The following NOS1AP variants were observed in gnomAD, a reference collection of about 807,000 sequenced individuals.
NOS1AP encodes the protein nitric oxide synthase 1 adaptor protein.
A neutral mutation model predicts 56.2 loss-of-function variants in NOS1AP; 21 were observed. That is an observed-to-expected ratio of 0.37 (90% CI 0.26 to 0.54). The LOEUF (loss-of-function observed/expected upper bound fraction) is 0.54, where lower values mean the gene tolerates loss of function less well. Ranked by LOEUF, NOS1AP falls within the 20% of genes least tolerant of loss-of-function variation. The pLI is 0.84. For missense variants in NOS1AP, 522 were observed against 657.8 expected, an observed-to-expected ratio of 0.79 and a Z score of 2.26; for synonymous variants, 270 against 274.6, an observed-to-expected ratio of 0.98 and a Z score of 0.17.
At chr1:162,221,186 A>G (rs930310251) in intron 2 of NOS1AP, among the ~76,000 whole-genome samples, 2 of 152,040 alleles carry the variant, frequency 1.3e-5, no homozygotes, top group African/African-American at 4.8e-5. Flanking sequence ...CGATCCACCC[A>G]CCTTGGCCTC....
chr1:162,334,819 C>T (rs562569615), intron 5 of NOS1AP, among the ~76,000 whole-genome samples: 104 of 152,190 alleles, frequency 6.8e-4, no homozygotes, highest in African/African-American at 1.8e-3. Context: ...CCAATTTTAC[C>T]GATGAATAAA....
In NOS1AP at chr1:162,255,490, A is replaced by ATTTTTTTTTTTTTTTTT. The variant is rs35637289; in HGVS notation, c.178-31835_178-31819dup. On this transcript the variant is annotated intron_variant, in intron 2 of 9. Transcript: ENST00000361897. ...ATGCATAGGTTATTTGCTGCTGCTG[A>ATTTTTTTTTTTTTTTTT]TTTTTTTTTTTTTTTTTTTTTTTTT... Among the ~76,000 whole-genome samples, 37 of 60,988 alleles carry ATTTTTTTTTTTTTTTTT rather than the reference A, an allele frequency of 6.1e-4. 2 individuals carry two copies. Among genetic ancestry groups the ATTTTTTTTTTTTTTTTT allele is most frequent in the Admixed American group, 1.3e-3 (6 of 4,592 alleles). 40.0% of individuals were successfully genotyped at this position (60,988 alleles called of 152,430 possible).
At chr1:162,105,109 G>A (rs1312845893) in intron 1 of NOS1AP, among the ~76,000 whole-genome samples, 2 of 152,132 alleles carry the variant, frequency 1.3e-5, no homozygotes, top group Non-Finnish European at 2.9e-5. Context: ...TTTGTTGGTG[G>A]TGTTGTTTTC....
chr1:162,210,917 C>T (rs938187620), intron 2 of NOS1AP, among the ~76,000 whole-genome samples: 16 of 152,236 alleles, frequency 1.1e-4, no homozygotes, highest in African/African-American at 3.6e-4. Flanking sequence ...TCACGGAGTC[C>T]GCAGCTGCTG....
chr1:162,356,551 G>A (rs1657711399), intron 7 of NOS1AP, among the ~76,000 whole-genome samples: 1 of 152,176 alleles, frequency 6.6e-6, no homozygotes, highest in African/African-American at 2.4e-5. Context: ...CAGCAGAGTA[G>A]AGGATTGAAG....
chr1:162,120,929 G>A (rs1648187060), intron 1 of NOS1AP, among the ~76,000 whole-genome samples: 1 of 152,062 alleles, frequency 6.6e-6, no homozygotes, highest in Admixed American at 6.5e-5. Flanking sequence ...TTGGATATGG[G>A]TTCTGAAAAG....
At chr1:162,255,313 A>T (rs1329468031) in intron 2 of NOS1AP, among the ~76,000 whole-genome samples, 2 of 152,090 alleles carry the variant, frequency 1.3e-5, no homozygotes, top group Admixed American at 6.6e-5. Flanking sequence ...CAGAAGCTGC[A>T]TCTTTGCTGC....
At chr1:162,197,072 G>C (rs1041058145) in intron 2 of NOS1AP, among the ~76,000 whole-genome samples, 2 of 152,174 alleles carry the variant, frequency 1.3e-5, no homozygotes, top group African/African-American at 4.8e-5. Context: ...GCTCTGCATG[G>C]ATATTTTCTG....
intron 1 of NOS1AP, among the ~76,000 whole-genome samples, chr1:162,143,021 A>G (rs1649302420): frequency 6.6e-6 from 1 of 152,112 alleles, no homozygotes; most frequent in South Asian, 2.1e-4. Context: ...CAGACCCCAC[A>G]TTCCCAACTC....
intron 4 of NOS1AP, among the ~76,000 whole-genome samples, chr1:162,325,556 T>G (rs760336036): frequency 1.3e-5 from 2 of 152,116 alleles, no homozygotes; most frequent in Non-Finnish European, 2.9e-5. Context: ...CAGAATCACA[T>G]GGGCTGGGAC....
chr1:162,329,064 A>G (rs1425160782), intron 4 of NOS1AP, among the ~76,000 whole-genome samples: 2 of 152,208 alleles, frequency 1.3e-5, no homozygotes, highest in African/African-American at 4.8e-5. Context: ...TTCCAGCATG[A>G]TGATAAACCC....
intron 2 of NOS1AP, among the ~76,000 whole-genome samples, chr1:162,274,317 T>G (rs1446489881): frequency 3.3e-5 from 5 of 151,948 alleles, no homozygotes; most frequent in Admixed American, 6.6e-5. Context: ...AAACATGTGG[T>G]TTATTTGGGG....
rs529059634 is a variant in NOS1AP, at chr1:162,182,724, G to A, written c.177+28248G>A. On this transcript the variant is annotated intron_variant, in intron 2 of 9. Transcript: ENST00000361897. ...TCCATCTCAAGAAACCAATTTATTT[G>A]CTCATCCCTAAGAAGCAACTCCTCA... Among the ~76,000 whole-genome samples the A allele has an allele frequency of 9.2e-5, 14 of 152,234 alleles. No homozygotes were observed. In the East Asian group the frequency reaches 2.5e-3, roughly 27 times the overall value.
At chr1:162,154,695 T>TC (rs1444910421) in intron 2 of NOS1AP, among the ~76,000 whole-genome samples, 2 of 152,170 alleles carry the variant, frequency 1.3e-5, no homozygotes, top group Admixed American at 1.3e-4. Flanking sequence ...GGTACCATCT[T>TC]CCCTCTCTTG....
chr1:162,087,210 G>A (rs1278717027), intron 1 of NOS1AP, among the ~76,000 whole-genome samples: 4 of 152,092 alleles, frequency 2.6e-5, no homozygotes, highest in Non-Finnish European at 2.9e-5. Context: ...CCAGTAGCTC[G>A]TGACAGTGAT....
intron 8 of NOS1AP, among the ~76,000 whole-genome samples, chr1:162,361,933 C>T (rs1168493794): frequency 2.0e-5 from 3 of 152,162 alleles, no homozygotes; most frequent in African/African-American, 7.2e-5. Flanking sequence ...GAGCCATTAA[C>T]AAATTGCCTC....
chr1:162,097,898 CG>C lies in NOS1AP; in HGVS notation c.105+27617del, dbSNP rs559858694. Reference sequence around the variant, plus strand: ...TAAAATAGGTATATTTATATTTATTCGTTTTTTTTCTTTATTTGTCTTTTTG... The same window carrying C: ...TAAAATAGGTATATTTATATTTATTCTTTTTTTTCTTTATTTGTCTTTTTG... On this transcript the variant is annotated intron_variant, in intron 1 of 9. Transcript: ENST00000361897. Among the ~76,000 whole-genome samples, 1,140 of 150,506 alleles carry C rather than the reference CG, an allele frequency of 7.6e-3. 16 individuals carry two copies. The highest frequency in any genetic ancestry group is 0.027 in the African/African-American group (1,102 of 40,526).
At chr1:162,078,748 G>A (rs78480990) in intron 1 of NOS1AP, among the ~76,000 whole-genome samples, 2 of 152,110 alleles carry the variant, frequency 1.3e-5, no homozygotes, top group Non-Finnish European at 2.9e-5. Context: ...GGCTGTTTTT[G>A]AACAATTCCC....
At position 162,304,544 on chromosome 1, in the gene NOS1AP, G is replaced by T. The variant is rs1230329417; in HGVS notation, c.344+3838G>T. Among the ~76,000 whole-genome samples, 111 of 150,764 alleles carry T rather than the reference G, an allele frequency of 7.4e-4. 1 individual carries two copies. The highest frequency in any genetic ancestry group is 1.5e-4 in the Non-Finnish European group (10 of 67,754). ...AGGAAGAAATATTAGAGGGAATGGG[G>T]AATGCCAAATACATTTTAAATGTTA... On this transcript the variant is annotated intron_variant, in intron 4 of 9. Coordinates refer to ENST00000361897, the MANE Select transcript of NOS1AP (RefSeq NM_014697.3).
Sources: allele counts gnomAD v4.1 joint callset (sites outside exome capture counted in the v4.1 genomes callset), GRCh38; gene constraint gnomAD v4.1.1; transcripts MANE v1.5; gene names NCBI Gene and HGNC (gene_info 2026-07-23, HGNC 2026-07-21).